RPA3: variants seen among roughly 807,000 people sequenced by gnomAD.
The protein encoded by RPA3 is replication protein A 14 kDa subunit.
In RPA3, 24 loss-of-function variants were observed where a neutral mutation model predicts 13.7. The observed-to-expected ratio is 1.75, with a 90% CI of 1.27 to 2.46. The LOEUF (loss-of-function observed/expected upper bound fraction) is 2.46. Ranked by LOEUF, RPA3 falls within the 30% of genes most tolerant of loss-of-function variation. The probability of loss-of-function intolerance (pLI) is 0.00; values close to 1 mark genes in which losing one functional copy is unlikely to be tolerated. For missense variants in RPA3, 183 were observed against 151.0 expected, an observed-to-expected ratio of 1.21 and a Z score of -1.11; for synonymous variants, 59 against 51.2, an observed-to-expected ratio of 1.15 and a Z score of -0.65.
chr7:7,683,602 T>C (rs1779964495), intron 4 of RPA3, among the ~76,000 whole-genome samples: 1 of 151,980 alleles, frequency 6.6e-6, no homozygotes, highest in Non-Finnish European at 1.5e-5. Flanking sequence ...CATGATCCTA[T>C]GAAATGAAAT....
At chr7:7,654,987 C>T (rs1030344250) in intron 4 of RPA3, among the ~76,000 whole-genome samples, 2 of 151,840 alleles carry the variant, frequency 1.3e-5, no homozygotes, top group Non-Finnish European at 2.9e-5. Flanking sequence ...AGTAGGATTG[C>T]AGGACCTATG....
intron 4 of RPA3, among the ~76,000 whole-genome samples, chr7:7,681,632 A>G (rs1002633875): frequency 6.6e-6 from 1 of 152,090 alleles, no homozygotes; most frequent in South Asian, 2.1e-4. Flanking sequence ...CCTCCAGGGT[A>G]CTCATTTTAC....
At chr7:7,637,560 T>C (rs1784883944) in intron 7 of RPA3, among the ~76,000 whole-genome samples, 1 of 151,924 alleles carries the variant, frequency 6.6e-6, no homozygotes, top group African/African-American at 2.4e-5. Context: ...CCAATATATA[T>C]CAAACTAAAA....
intron 2 of RPA3, among the ~76,000 whole-genome samples, chr7:7,707,720 A>G (rs1780641379): frequency 6.6e-6 from 1 of 152,216 alleles, no homozygotes; most frequent in African/African-American, 2.4e-5. Context: ...GTGTTAATAT[A>G]TAATGCTTTT....
intron 4 of RPA3, among the ~76,000 whole-genome samples, chr7:7,647,837 T>G (rs913800661): frequency 6.6e-6 from 1 of 152,204 alleles, no homozygotes; most frequent in Non-Finnish European, 1.5e-5. Context: ...ACTGCTAGGC[T>G]CAAGCAAGCC....
At chr7:7,711,370 C>T (rs1006809233) in intron 2 of RPA3, among the ~76,000 whole-genome samples, 5 of 152,300 alleles carry the variant, frequency 3.3e-5, no homozygotes, top group African/African-American at 7.2e-5. Context: ...GGAGGAATTA[C>T]AGGCTATGCA....
chr7:7,713,998 C>T (rs1780829994), intron 2 of RPA3, among the ~76,000 whole-genome samples: 1 of 152,102 alleles, frequency 6.6e-6, no homozygotes, highest in Admixed American at 6.6e-5. Flanking sequence ...CCACACCTGC[C>T]CCACACGTTT....
At chr7:7,672,413 C>T (rs1221025182) in intron 4 of RPA3, among the ~76,000 whole-genome samples, 1 of 152,150 alleles carries the variant, frequency 6.6e-6, no homozygotes, top group Non-Finnish European at 1.5e-5. Context: ...ACAATAATCT[C>T]ACCAACGCAA....
chr7:7,637,918 C>G lies in RPA3; in HGVS notation c.229G>C (p.Ala77Pro). 1 of 1,613,642 alleles carries G rather than the reference C, an allele frequency of 6.2e-7. No homozygotes were observed. Among genetic ancestry groups the G allele is most frequent in the East Asian group, 2.2e-5 (1 of 44,776 alleles). ...ACATAAGATGTACACAAGATGGTGG[C>G]CTTGGCGGTTACTCTTCCAACCACT... is the stretch of plus-strand genomic sequence containing the variant. ...VEVVGRVTAKATILCTSYVQF... is the reference protein window; with the variant it reads ...VEVVGRVTAKPTILCTSYVQF... Residue 77 changes from alanine (A) to proline (P), a missense_variant, in exon 7 of 8, where the codon GCC (alanine) becomes CCC (proline). Coordinates refer to ENST00000223129, the MANE Select transcript of RPA3 (RefSeq NM_002947.5).
chr7:7,672,859 A>G (rs1779641134), intron 4 of RPA3, among the ~76,000 whole-genome samples: 1 of 152,120 alleles, frequency 6.6e-6, no homozygotes, highest in East Asian at 1.9e-4. Flanking sequence ...TCAGTAGGGG[A>G]TGTTTGATGT....
intron 2 of RPA3, among the ~76,000 whole-genome samples, chr7:7,701,018 C>A (rs1159312224): frequency 6.6e-6 from 1 of 152,184 alleles, no homozygotes; most frequent in African/African-American, 2.4e-5. Context: ...GTACTACACT[C>A]CAGCATGGGC....
intron 4 of RPA3, among the ~76,000 whole-genome samples, chr7:7,659,058 A>T (rs984588463): frequency 2.0e-5 from 3 of 152,138 alleles, no homozygotes; most frequent in Non-Finnish European, 4.4e-5. Flanking sequence ...CCAGGAATTT[A>T]TCCATTTCTT....
At chr7:7,650,040 T>G (rs1165627155) in intron 4 of RPA3, among the ~76,000 whole-genome samples, 2 of 152,212 alleles carry the variant, frequency 1.3e-5, no homozygotes, top group Admixed American at 1.3e-4. Context: ...TCATGGTATT[T>G]TGTTATAGCA....
intron 4 of RPA3, among the ~76,000 whole-genome samples, chr7:7,652,927 C>T (rs767567318): frequency 3.3e-5 from 5 of 152,048 alleles, no homozygotes; most frequent in Admixed American, 6.6e-5. Context: ...TTAAAATGAG[C>T]GAGCAAATAG....
At chr7:7,678,019 T>C (rs1245101588) in intron 4 of RPA3, among the ~76,000 whole-genome samples, 1 of 152,204 alleles carries the variant, frequency 6.6e-6, no homozygotes, top group African/African-American at 2.4e-5. Flanking sequence ...TTCTATATGT[T>C]GGCTATTGTG....
chr7:7,702,710 A>G (rs1170677327), intron 2 of RPA3, among the ~76,000 whole-genome samples: 1 of 152,190 alleles, frequency 6.6e-6, no homozygotes. Flanking sequence ...TTCCACTGAC[A>G]TCTATGATGA....
chr7:7,715,290 A>T (rs370815626), intron 1 of RPA3, 64 bp from the exon 2 acceptor site: 9 of 152,132 alleles, frequency 5.9e-5, no homozygotes, highest in African/African-American at 2.2e-4. Flanking sequence ...TTATGAATAC[A>T]GTTTCATCAA....
chr7:7,692,975 A>ATAGCTGT (rs1780210705), intron 2 of RPA3, among the ~76,000 whole-genome samples: 2 of 152,180 alleles, frequency 1.3e-5, no homozygotes, highest in African/African-American at 4.8e-5. Context: ...TGTGTCTAAA[A>ATAGCTGT]TAGCTGTAGG....
At chr7:7,655,503 T>C (rs1785318910) in intron 4 of RPA3, among the ~76,000 whole-genome samples, 1 of 152,224 alleles carries the variant, frequency 6.6e-6, no homozygotes, top group African/African-American at 2.4e-5. Context: ...CCTCCCTGGC[T>C]TGATGCTCTA....
Sources: gnomAD v4.1 joint callset for allele counts (sites outside exome capture counted in the v4.1 genomes callset) on GRCh38, gnomAD v4.1.1 for gene constraint, MANE v1.5 for transcripts, NCBI Gene and HGNC (gene_info 2026-07-23, HGNC 2026-07-21) for gene names.